The following TNRC6A variants were observed in gnomAD, a reference collection of about 807,000 sequenced individuals.
The protein encoded by TNRC6A is trinucleotide repeat-containing gene 6A protein.
Under a neutral mutation model 221.2 loss-of-function variants are expected in TNRC6A, and 44 were observed. That is an observed-to-expected ratio of 0.20 (90% CI 0.16 to 0.26). The LOEUF (loss-of-function observed/expected upper bound fraction) is 0.26. TNRC6A is among the 10% of genes least tolerant of loss of function. TNRC6A has a pLI of 1.00. For missense variants in TNRC6A, 2,199 were observed against 2,404.4 expected (o/e 0.91, Z 1.79); for synonymous variants, 847 against 838.5 (o/e 1.01, Z -0.18).
chr16:24,681,183 T>C (rs1361691514), intron 2 of TNRC6A, among the ~76,000 whole-genome samples: 1 of 152,176 alleles, frequency 6.6e-6, no homozygotes, highest in Non-Finnish European at 1.5e-5. Context: ...CTAAATCTAA[T>C]AGATAAAAAG....
Position 24,775,793 on chromosome 16 carries a change from T to C in TNRC6A, c.164-1140T>C, listed in dbSNP as rs149003850. On this transcript the variant is annotated intron_variant, in intron 4 of 24. Transcript: ENST00000395799. Reference sequence around the variant, plus strand: ...GGAGCTCTTAACCCTTGAATGGAGATTTTTCTCTGAGTGCCCTCACCAGTA... The same window carrying C: ...GGAGCTCTTAACCCTTGAATGGAGACTTTTCTCTGAGTGCCCTCACCAGTA... Among the ~76,000 whole-genome samples the C allele has an allele frequency of 8.5e-5, 13 of 152,196 alleles. No individual in the cohort carries two copies. In the East Asian group the frequency reaches 2.3e-3, roughly 27 times the overall value.
chr16:24,812,673 T>TA (rs961531730), intron 18 of TNRC6A, among the ~76,000 whole-genome samples: 1 of 152,198 alleles, frequency 6.6e-6, no homozygotes, highest in African/African-American at 2.4e-5. Flanking sequence ...GGCTAGGCCA[T>TA]AGGGCTCTGC....
intron 2 of TNRC6A, among the ~76,000 whole-genome samples, chr16:24,666,891 G>C (rs1169058168): frequency 6.6e-6 from 1 of 151,330 alleles, no homozygotes; most frequent in Non-Finnish European, 1.5e-5. Context: ...TGAGGCGGGT[G>C]GATCATTTGG....
intron 1 of TNRC6A, among the ~76,000 whole-genome samples, chr16:24,632,639 G>A (rs962205873): frequency 4.6e-5 from 7 of 152,060 alleles, no homozygotes; most frequent in Non-Finnish European, 1.0e-4. Context: ...GCCACCCCCA[G>A]AGTCTTCTAA....
chr16:24,681,912 G>T (rs556115441), intron 2 of TNRC6A, among the ~76,000 whole-genome samples: 38 of 152,292 alleles, frequency 2.5e-4, no homozygotes, highest in African/African-American at 8.7e-4. Flanking sequence ...TTAAAATGTT[G>T]CAACGTGTTG....
At chr16:24,632,553 A>G (rs1901402177) in intron 1 of TNRC6A, among the ~76,000 whole-genome samples, 1 of 152,098 alleles carries the variant, frequency 6.6e-6, no homozygotes, top group Admixed American at 6.5e-5. Context: ...TTTCACCTGG[A>G]CTGGGTAAGA....
chr16:24,612,253 C>T (rs561658956), intron 1 of TNRC6A, among the ~76,000 whole-genome samples: 7 of 152,236 alleles, frequency 4.6e-5, no homozygotes, highest in Admixed American at 1.3e-4. Flanking sequence ...CTTTTAACAA[C>T]GACAGAGCAG....
chr16:24,711,485 T>C (rs954394911), intron 2 of TNRC6A, among the ~76,000 whole-genome samples: 2 of 152,134 alleles, frequency 1.3e-5, no homozygotes, highest in Admixed American at 6.6e-5. Flanking sequence ...CTCTCACCCT[T>C]CCCCTGCAAT....
intron 3 of TNRC6A, among the ~76,000 whole-genome samples, chr16:24,756,489 G>T (rs936738674): frequency 6.6e-6 from 1 of 152,126 alleles, no homozygotes; most frequent in Non-Finnish European, 1.5e-5. Context: ...CATTAAATCC[G>T]ATTCTTAGGG....
intron 18 of TNRC6A, among the ~76,000 whole-genome samples, chr16:24,814,561 C>T (rs1373648959): frequency 6.6e-6 from 1 of 151,600 alleles, no homozygotes; most frequent in African/African-American, 2.4e-5. Context: ...ACTACAGGTG[C>T]GTGCCACCAT....
chr16:24,825,015 C>T lies in TNRC6A; in HGVS notation c.*1208C>T, dbSNP rs1025872658. 3.3e-5 allele frequency: 5 copies of T among 152,596 alleles called. No homozygotes were observed. The highest frequency in any genetic ancestry group is 1.2e-4 in the African/African-American group (5 of 41,432). The allele number at this position is 152,596 out of a possible 1,614,324, so 9.5% of individuals were successfully genotyped here. Reference sequence around the variant, plus strand: ...TTTTTTGTAATCCCATCAAGTGGCTCCATATGTTTCTGCTCTCTCGTGACT... The same window carrying T: ...TTTTTTGTAATCCCATCAAGTGGCTTCATATGTTTCTGCTCTCTCGTGACT... On this transcript the variant is annotated 3_prime_UTR_variant, in exon 25 of 25. Transcript: ENST00000395799.
In TNRC6A at chr16:24,790,597, C is replaced by G; in HGVS notation, c.1955C>G (p.Ala652Gly). 1 of 1,614,190 alleles carries G rather than the reference C, an allele frequency of 6.2e-7. No homozygotes were observed. The highest frequency in any genetic ancestry group is 8.5e-7 in the Non-Finnish European group (1 of 1,180,040). Residue 652 changes from alanine (A) to glycine (G), a missense_variant, in exon 6 of 25, where the codon GCC becomes GGC. Ala to Gly is a moderately conservative substitution (Grantham distance 60). Around this residue, in one of 8 missense-constraint regions of TNRC6A, gnomAD observed 1,405 missense variants for 1,400.2 expected, o/e 1.00. Transcript: ENST00000395799. ...KSTEEEDQGSATSQTNEQSSV... is the reference protein window; with the variant it reads ...KSTEEEDQGSGTSQTNEQSSV... ...ACTGAGGAAGAGGATCAGGGTTCTG[C>G]CACATCTCAGACAAATGAGCAAAGC...
At position 24,657,317 on chromosome 16, in the gene TNRC6A, C is replaced by CA. The variant is rs56241898; in HGVS notation, n.402+16333dup. On this transcript the variant is annotated intron_variant and non_coding_transcript_variant, in intron 2 of 2. Coordinates refer to the TNRC6A transcript ENST00000566108. ...TGGGTAACAGAGTGAGACCCTATCT[C>CA]AAAAAAAAAAAAAAAAAAAAAAAAA... Among the ~76,000 whole-genome samples, 536 of 88,072 alleles carry CA rather than the reference C, an allele frequency of 6.1e-3. 7 individuals are homozygous for CA. The highest frequency in any genetic ancestry group is 8.5e-3 in the Middle Eastern group (1 of 118). The allele number at this position is 88,072 out of a possible 152,430, so 57.8% of individuals were successfully genotyped here. A position where few individuals can be genotyped will look rare whatever the true frequency, so the allele number is the denominator to read the frequency against.
chr16:24,688,757 A>G (rs2055692017), intron 2 of TNRC6A, among the ~76,000 whole-genome samples: 1 of 152,172 alleles, frequency 6.6e-6, no homozygotes, highest in Non-Finnish European at 1.5e-5. Flanking sequence ...CTATGAGCCT[A>G]GGAATGAAAC....
chr16:24,791,620 A>G lies in TNRC6A; in HGVS notation c.2978A>G (p.Glu993Gly). The G allele has an allele frequency of 6.2e-7, 1 of 1,609,586 alleles. No homozygotes were observed. The highest frequency in any genetic ancestry group is 1.1e-5 in the South Asian group (1 of 89,914). Residue 993 changes from glutamate (E) to glycine (G), a missense_variant, in exon 6 of 25, where the codon GAA becomes GGA. Physicochemically the swap from Glu to Gly is moderately conservative, Grantham distance 98. Transcript: ENST00000395799. ...EPTGWEEPSP[E>G]SIRRKMEIDD... ...ACAGGCTGGGAGGAACCATCCCCAGAATCTATACGTCGCAAAATGGAGATT... is the reference window on the plus strand; with the variant it reads ...ACAGGCTGGGAGGAACCATCCCCAGGATCTATACGTCGCAAAATGGAGATT...
Position 24,729,707 on chromosome 16 carries a change from GGCGGCGGCGGCA to G in TNRC6A, c.-130_-119del, listed in dbSNP as rs1431565753. The G allele has an allele frequency of 7.5e-6, 8 of 1,070,718 alleles. No individual in the cohort carries two copies. The highest frequency in any genetic ancestry group is 3.4e-5 in the African/African-American group (2 of 59,212). The allele number at this position is 1,070,718 out of a possible 1,614,324, so 66.3% of individuals were successfully genotyped here. ...TGTCGGCGGCGGCGGCGGCGGCGGCGGCGGCGGCGGCAGCGGGTCGGTGTAGAAAATGGCGCT... is the reference window on the plus strand; with the variant it reads ...TGTCGGCGGCGGCGGCGGCGGCGGCGGCGGGTCGGTGTAGAAAATGGCGCT... On this transcript the variant is annotated 5_prime_UTR_variant, in exon 1 of 25. Transcript: ENST00000395799.
At chr16:24,695,319 T>C (rs1160466178) in intron 2 of TNRC6A, among the ~76,000 whole-genome samples, 1 of 152,176 alleles carries the variant, frequency 6.6e-6, no homozygotes, top group Non-Finnish European at 1.5e-5. Flanking sequence ...GTGTCAACTA[T>C]GTTTTCCAGC....
intron 20 of TNRC6A, among the ~76,000 whole-genome samples, chr16:24,817,722 G>A (rs1462209533): frequency 6.6e-6 from 1 of 152,092 alleles, no homozygotes; most frequent in Non-Finnish European, 1.5e-5. Flanking sequence ...AGTTTATAAA[G>A]CACATGTGAA....
At chr16:24,785,252 C>T (rs1244121460) in intron 5 of TNRC6A, among the ~76,000 whole-genome samples, 1 of 152,166 alleles carries the variant, frequency 6.6e-6, no homozygotes, top group Non-Finnish European at 1.5e-5. Flanking sequence ...GGTTACTTCC[C>T]CACTTGCTTT....
Sources: allele counts gnomAD v4.1 joint callset (sites outside exome capture counted in the v4.1 genomes callset), GRCh38; gene constraint gnomAD v4.1.1; regional missense constraint gnomAD v4.1.1; transcripts MANE v1.5; gene names NCBI Gene and HGNC (gene_info 2026-07-23, HGNC 2026-07-21).